Variants in MBOAT4 observed in about 807,000 individuals in gnomAD.
MBOAT4 encodes membrane-bound ghrelin O-acyltransferase MBOAT4.
A neutral mutation model predicts 13.2 loss-of-function variants in MBOAT4; 11 were observed. The ratio of observed to expected loss-of-function variants is 0.84; its 90% CI spans 0.53 to 1.38. MBOAT4 has a LOEUF of 1.38. Among genes scored for constraint, MBOAT4 ranks in the 40% most tolerant of loss-of-function variants. MBOAT4 has a pLI of 0.00. For missense variants in MBOAT4, 481 were observed against 527.2 expected, an observed-to-expected ratio of 0.91 and a Z score of 0.86; for synonymous variants, 202 against 210.3, an observed-to-expected ratio of 0.96 and a Z score of 0.34.
chr8:30,132,101 C>T lies in MBOAT4; in HGVS notation c.1150G>A (p.Ala384Thr), dbSNP rs1803028564. 1.3e-6 allele frequency: 2 copies of T among 1,551,612 alleles called. No individual in the cohort carries two copies. Among genetic ancestry groups the T allele is most frequent in the African/African-American group, 2.7e-5 (2 of 73,024 alleles). The change falls in exon 3 of 3, where the codon GCC becomes ACC. Residue 384 changes from alanine (A) to threonine (T), a missense_variant. Physicochemically the swap from Ala to Thr is moderately conservative, Grantham distance 58. Coordinates refer to ENST00000320542, the MANE Select transcript of MBOAT4 (RefSeq NM_001100916.2). ...TAGGCAATGATCAACTGGGTGTGGG[C>T]CCAGGTGAGGGTTCTATAGAACAGC... ...MRLFYRTLTW[A>T]HTQLIIAYIM...
chr8:30,132,941 T>G (rs1057135383), intron 2 of MBOAT4, 35 bp from the exon 3 acceptor site: 3 of 1,474,062 alleles, frequency 2.0e-6, no homozygotes, highest in Non-Finnish European at 2.7e-6. Context: ...ATAAAAACAC[T>G]CTGTATTTAT....
At chr8:30,136,730 C>CTTTTTTTT (rs11390350) in intron 2 of MBOAT4, among the ~76,000 whole-genome samples, 1 of 143,788 alleles carries the variant, frequency 7.0e-6, no homozygotes, top group African/African-American at 2.6e-5. Flanking sequence ...TCCCCCCGAA[C>CTTTTTTTT]TTTTTTTTTT....
chr8:30,137,234 C>A, intron 2 of MBOAT4: 2 of 1,466,866 alleles, frequency 1.4e-6, no homozygotes, highest in South Asian at 1.2e-5. Context: ...GACAACACTT[C>A]TCTAGACTGT....
intron 1 of MBOAT4, among the ~76,000 whole-genome samples, chr8:30,141,331 G>C (rs1356911842): frequency 6.6e-6 from 1 of 152,092 alleles, no homozygotes; most frequent in Non-Finnish European, 1.5e-5. Context: ...ACTGAATGAA[G>C]GGGTCAGAAA....
Position 30,131,941 on chromosome 8 carries a change from T to A in MBOAT4, c.*2A>T. The A allele has an allele frequency of 6.5e-7, 1 of 1,540,874 alleles. No individual in the cohort carries two copies. Among genetic ancestry groups the A allele is most frequent in the Non-Finnish European group, 8.8e-7 (1 of 1,139,416 alleles). ...GTTTAAGGTGAAAGCCAGGGAAAGATGTCAGTTACATTTGTGCTTTCTCTT... is the reference window on the plus strand; with the variant it reads ...GTTTAAGGTGAAAGCCAGGGAAAGAAGTCAGTTACATTTGTGCTTTCTCTT... On this transcript the variant is annotated 3_prime_UTR_variant, in exon 3 of 3. Coordinates refer to ENST00000320542, the MANE Select transcript of MBOAT4 (RefSeq NM_001100916.2).
intron 1 of MBOAT4, among the ~76,000 whole-genome samples, chr8:30,143,361 A>ATAAAT (rs1407849377): frequency 0.017 from 41 of 2,450 alleles, no homozygotes; most frequent in Middle Eastern, 0.25. Flanking sequence ...AAAAAAAAAA[A>ATAAAT]AAAAAATATA....
Position 30,132,388 on chromosome 8 carries a change from GCAT to G in MBOAT4, c.860_862del (p.Asp287del). ...GGTTCTTTCCAGGGTCCAGATGTCT[GCAT>G]CGGGGACATATCCCTCCTCTCCAGG... On this transcript the variant is annotated inframe_deletion, in exon 3 of 3. Coordinates refer to ENST00000320542, the MANE Select transcript of MBOAT4 (RefSeq NM_001100916.2). The G allele has an allele frequency of 6.4e-7, 1 of 1,551,764 alleles. No homozygotes were observed.
At chr8:30,143,366 AATATAT>A (rs1329756154) in intron 1 of MBOAT4, among the ~76,000 whole-genome samples, 349 of 19,776 alleles carry the variant, frequency 0.018, 2 homozygotes, top group East Asian at 0.024. Flanking sequence ...AAAAAAAAAA[AATATAT>A]ATATATATAT....
intron 2 of MBOAT4, among the ~76,000 whole-genome samples, chr8:30,133,244 G>A (rs1803066811): frequency 6.6e-6 from 1 of 152,090 alleles, no homozygotes; most frequent in Non-Finnish European, 1.5e-5. Flanking sequence ...GTATACAGTG[G>A]AGCTTAAGTC....
In MBOAT4 at chr8:30,132,600, G is replaced by A; in HGVS notation, c.651C>T (p.Cys217=). 1 of 1,551,764 alleles carries A rather than the reference G, an allele frequency of 6.4e-7. No homozygotes were observed. The highest frequency in any genetic ancestry group is 8.7e-7 in the Non-Finnish European group (1 of 1,147,006). Residue 217 remains cysteine (C), a synonymous_variant, in exon 3 of 3, where the codon TGC becomes TGT. Transcript: ENST00000320542. ...WRGLQILGLE[C]LNVAVSRVVD... is the part of the protein sequence containing the mutation. ...CCACCCTGCTCACTGCCACGTTTAG[G>A]CATTCTAGTCCAAGAATCTGCAGAC...
At chr8:30,135,904 A>C (rs1803128717) in intron 2 of MBOAT4, among the ~76,000 whole-genome samples, 1 of 114,560 alleles carries the variant, frequency 8.7e-6, no homozygotes, top group South Asian at 3.2e-4. Context: ...ACAGAGTGAG[A>C]CCTTGTCTGA....
intron 1 of MBOAT4, among the ~76,000 whole-genome samples, chr8:30,143,500 A>G (rs1803298946): frequency 1.3e-5 from 2 of 152,094 alleles, no homozygotes; most frequent in African/African-American, 4.8e-5. Context: ...TTCTATGTTC[A>G]GTTAAGTTCT....
chr8:30,142,450 G>A (rs1195033364), intron 1 of MBOAT4, among the ~76,000 whole-genome samples: 6 of 152,112 alleles, frequency 3.9e-5, no homozygotes, highest in Non-Finnish European at 2.9e-5. Flanking sequence ...CAACCTCTTG[G>A]GCTCAAGGGA....
At chr8:30,141,188 T>A (rs2117549957) in intron 1 of MBOAT4, among the ~76,000 whole-genome samples, 1 of 152,224 alleles carries the variant, frequency 6.6e-6, no homozygotes, top group East Asian at 1.9e-4. Flanking sequence ...AAATGGTTTG[T>A]GAATCATGCC....
intron 2 of MBOAT4, among the ~76,000 whole-genome samples, chr8:30,134,266 T>C (rs1405991753): frequency 6.6e-6 from 1 of 151,794 alleles, no homozygotes; most frequent in Non-Finnish European, 1.5e-5. Context: ...CTACTAAAAA[T>C]ACAAAAATTA....
chr8:30,138,769 G>A lies in MBOAT4; in HGVS notation c.120-13C>T. Reference sequence around the variant, plus strand: ...GAGAAAGAGGTACCTGAAAGAGAAGGGACACCTTGGGGAGAATGACTTAGA... The same window carrying A: ...GAGAAAGAGGTACCTGAAAGAGAAGAGACACCTTGGGGAGAATGACTTAGA... On this transcript the variant is annotated splice_polypyrimidine_tract_variant and intron_variant, in intron 1 of 2. Transcript: ENST00000320542. 1.3e-6 allele frequency: 2 copies of A among 1,540,342 alleles called. No individual in the cohort carries two copies. The highest frequency in any genetic ancestry group is 2.4e-5 in the East Asian group (1 of 40,868).
At chr8:30,135,803 A>C (rs1263275718) in intron 2 of MBOAT4, among the ~76,000 whole-genome samples, 1 of 151,640 alleles carries the variant, frequency 6.6e-6, no homozygotes, top group Non-Finnish European at 1.5e-5. Context: ...GGTCCCAGCT[A>C]CTGAGGAGGC....
intron 1 of MBOAT4, among the ~76,000 whole-genome samples, chr8:30,143,827 C>G (rs1286809814): frequency 6.6e-6 from 1 of 152,142 alleles, no homozygotes; most frequent in Non-Finnish European, 1.5e-5. Flanking sequence ...AAAATTAGGA[C>G]TATTCAAGAA....
chr8:30,133,888 T>C (rs1224803903), intron 2 of MBOAT4, among the ~76,000 whole-genome samples: 4 of 150,116 alleles, frequency 2.7e-5, no homozygotes, highest in African/African-American at 9.8e-5. Flanking sequence ...CAGGAAAAGG[T>C]ATGAAGAGAG....
Sources: allele counts gnomAD v4.1 joint callset (sites outside exome capture counted in the v4.1 genomes callset), GRCh38; gene constraint gnomAD v4.1.1; transcripts MANE v1.5; gene names NCBI Gene and HGNC (gene_info 2026-07-23, HGNC 2026-07-21).